ASTN2: variants seen among roughly 807,000 people sequenced by gnomAD.
ASTN2 encodes astrotactin 2.
A neutral mutation model predicts 139.8 loss-of-function variants in ASTN2; 54 were observed. The observed-to-expected ratio is 0.39, with a 90% CI of 0.31 to 0.48. The LOEUF (loss-of-function observed/expected upper bound fraction) is 0.48. Among genes scored for constraint, ASTN2 ranks in the 20% least tolerant of loss-of-function variants. The probability of loss-of-function intolerance (pLI) is 0.95; values close to 1 mark genes in which losing one functional copy is unlikely to be tolerated. For missense variants in ASTN2, 1,565 were observed against 1,725.1 expected (o/e 0.91, Z 1.64); for synonymous variants, 756 against 719.5 (o/e 1.05, Z -0.81).
At chr9:116,772,762 T>G (rs137905638) in intron 13 of ASTN2, among the ~76,000 whole-genome samples, 1 of 152,272 alleles carries the variant, frequency 6.6e-6, no homozygotes, top group East Asian at 1.9e-4. Context: ...AGCCATGTAA[T>G]TTGGGCCAGC....
At chr9:116,916,833 AAAAAAC>A (rs147517095) in intron 10 of ASTN2, among the ~76,000 whole-genome samples, 18 of 152,022 alleles carry the variant, frequency 1.2e-4, no homozygotes, top group South Asian at 2.1e-4. Context: ...CCCAGTCTCA[AAAAAAC>A]AAAAACAAAA....
rs1847275940 is a variant in ASTN2, at chr9:116,425,450, G to A, written c.*401C>T. ...CTCCTCTAGGGGTCAGGTCAAAACTGTCCCTCCATAGGTCTCCTCCAGGGG... is the reference window on the plus strand; with the variant it reads ...CTCCTCTAGGGGTCAGGTCAAAACTATCCCTCCATAGGTCTCCTCCAGGGG... On this transcript the variant is annotated 3_prime_UTR_variant, in exon 23 of 23. Transcript: ENST00000313400. The A allele has an allele frequency of 3.0e-6, 3 of 995,178 alleles. No homozygotes were observed. Among genetic ancestry groups the A allele is most frequent in the Non-Finnish European group, 4.6e-6 (3 of 652,442 alleles). The allele number at this position is 995,178 out of a possible 1,614,324, so 61.6% of individuals were successfully genotyped here.
chr9:116,956,505 A>T (rs966442551), intron 10 of ASTN2, among the ~76,000 whole-genome samples: 10 of 149,134 alleles, frequency 6.7e-5, no homozygotes, highest in Admixed American at 6.7e-5. Context: ...AACTTACAGA[A>T]CAGTTGTAAA....
At chr9:117,187,918 G>A (rs570411868) in intron 3 of ASTN2, among the ~76,000 whole-genome samples, 8 of 152,186 alleles carry the variant, frequency 5.3e-5, no homozygotes, top group African/African-American at 1.9e-4. Flanking sequence ...TTCCTCCCAC[G>A]TTCTTGTGAA....
intron 19 of ASTN2, among the ~76,000 whole-genome samples, chr9:116,579,995 T>C (rs1283041758): frequency 1.3e-5 from 2 of 152,198 alleles, no homozygotes; most frequent in Non-Finnish European, 2.9e-5. Flanking sequence ...CTAACTTTTG[T>C]ATTTTTAGTA....
intron 6 of ASTN2, among the ~76,000 whole-genome samples, chr9:117,032,641 C>G (rs935300389): frequency 6.6e-6 from 1 of 152,182 alleles, no homozygotes; most frequent in African/African-American, 2.4e-5. Flanking sequence ...TTATGGACCT[C>G]TTTCCTCTCT....
At chr9:117,050,479 G>C (rs567509792) in intron 5 of ASTN2, among the ~76,000 whole-genome samples, 355 of 152,088 alleles carry the variant, frequency 2.3e-3, no homozygotes, top group Non-Finnish European at 3.2e-3. Flanking sequence ...CCTGCTCCCA[G>C]CTTCCATGAC....
intron 5 of ASTN2, among the ~76,000 whole-genome samples, chr9:117,062,171 G>A (rs992553873): frequency 2.6e-5 from 4 of 152,134 alleles, no homozygotes; most frequent in African/African-American, 7.2e-5. Flanking sequence ...CCTAAATTGA[G>A]GCAGCCAAGT....
At chr9:116,632,252 G>GAAA (rs1856833378) in intron 17 of ASTN2, among the ~76,000 whole-genome samples, 4 of 70,920 alleles carry the variant, frequency 5.6e-5, no homozygotes, top group African/African-American at 1.4e-4. Flanking sequence ...AAAGAAAGAA[G>GAAA]GAAAGAAAGA....
intron 19 of ASTN2, among the ~76,000 whole-genome samples, chr9:116,489,855 G>A (rs547563746): frequency 1.4e-4 from 21 of 152,150 alleles, no homozygotes; most frequent in Admixed American, 3.9e-4. Context: ...GACTTGACGC[G>A]TAGATGCTAG....
At chr9:117,082,042 G>A (rs1298846597) in intron 5 of ASTN2, among the ~76,000 whole-genome samples, 1 of 152,148 alleles carries the variant, frequency 6.6e-6, no homozygotes, top group South Asian at 2.1e-4. Flanking sequence ...CATGTTCTTT[G>A]AAGCTGCTAT....
At chr9:116,459,878 T>C (rs942193866) in intron 20 of ASTN2, among the ~76,000 whole-genome samples, 1 of 152,134 alleles carries the variant, frequency 6.6e-6, no homozygotes, top group African/African-American at 2.4e-5. Context: ...AGTTATCATA[T>C]GACCCAGCAA....
chr9:116,446,258 G>T (rs1847987506), intron 20 of ASTN2, among the ~76,000 whole-genome samples: 2 of 87,010 alleles, frequency 2.3e-5, no homozygotes, highest in Admixed American at 2.9e-4. Flanking sequence ...GGGAGAGGGA[G>T]AGAGAGAGAG....
intron 19 of ASTN2, among the ~76,000 whole-genome samples, chr9:116,516,345 A>T (rs1850648167): frequency 6.6e-6 from 1 of 152,192 alleles, no homozygotes; most frequent in Non-Finnish European, 1.5e-5. Context: ...TGTTTGAGAG[A>T]TCAAAAAGAT....
At chr9:117,353,173 T>A (rs745774681) in intron 1 of ASTN2, among the ~76,000 whole-genome samples, 13 of 152,150 alleles carry the variant, frequency 8.5e-5, no homozygotes, top group Non-Finnish European at 1.5e-4. Context: ...AAATTGTATG[T>A]TACATATATT....
At chr9:116,972,369 AT>A in intron 10 of ASTN2, among the ~76,000 whole-genome samples, 1 of 152,006 alleles carries the variant, frequency 6.6e-6, no homozygotes, top group East Asian at 1.9e-4. Context: ...TCCATAATTT[AT>A]TTATCTACTT....
At chr9:117,162,238 G>T (rs1351587377) in intron 3 of ASTN2, among the ~76,000 whole-genome samples, 2 of 152,020 alleles carry the variant, frequency 1.3e-5, no homozygotes, top group Non-Finnish European at 2.9e-5. Flanking sequence ...GCATTATTGT[G>T]AGCCTCACCT....
chr9:117,019,253 A>T (rs1002145063), intron 6 of ASTN2, among the ~76,000 whole-genome samples: 4 of 152,148 alleles, frequency 2.6e-5, no homozygotes, highest in Non-Finnish European at 5.9e-5. Flanking sequence ...CTCCAAAGAC[A>T]TGTAATACAT....
chr9:116,867,278 G>T (rs1343344261), intron 10 of ASTN2, among the ~76,000 whole-genome samples: 1 of 152,034 alleles, frequency 6.6e-6, no homozygotes, highest in Admixed American at 6.6e-5. Flanking sequence ...AGGGAGAGAA[G>T]GTGGGAGGGA....
Sources: gnomAD v4.1 joint callset for allele counts (sites outside exome capture counted in the v4.1 genomes callset) on GRCh38, gnomAD v4.1.1 for gene constraint, MANE v1.5 for transcripts, NCBI Gene and HGNC (gene_info 2026-07-23, HGNC 2026-07-21) for gene names.